Variants in RPTOR observed in about 807,000 individuals in gnomAD.
RPTOR encodes the protein regulatory-associated protein of mTOR.
A neutral mutation model predicts 169.9 loss-of-function variants in RPTOR; 21 were observed. That is an observed-to-expected ratio of 0.12 (90% CI 0.09 to 0.18). The LOEUF is 0.18. Ranked by LOEUF, RPTOR falls within the 10% of genes least tolerant of loss-of-function variation. RPTOR has a pLI of 1.00. For missense variants in RPTOR, 1,133 were observed against 1,855.9 expected, an observed-to-expected ratio of 0.61 and a Z score of 7.16; for synonymous variants, 732 against 753.2, an observed-to-expected ratio of 0.97 and a Z score of 0.46.
intron 3 of RPTOR, among the ~76,000 whole-genome samples, chr17:80,687,587 G>A (rs1041957333): frequency 5.9e-5 from 9 of 152,204 alleles, no homozygotes; most frequent in African/African-American, 9.6e-5. Context: ...GTGGGCACCC[G>A]TTGGTGTGTG....
chr17:80,701,284 G>C (rs1344460677), intron 3 of RPTOR, among the ~76,000 whole-genome samples: 2 of 152,194 alleles, frequency 1.3e-5, no homozygotes, highest in Non-Finnish European at 1.5e-5. Context: ...AAGGGCACAG[G>C]TTATATATTC....
At chr17:80,822,438 G>A in intron 8 of RPTOR, 137 bp downstream of exon 8, 1 of 846,894 alleles carries the variant, frequency 1.2e-6, no homozygotes, top group East Asian at 2.5e-5. Context: ...GGGCTGAAAA[G>A]TAGAAGGCGA....
chr17:80,916,008 G>T (rs986476602), intron 21 of RPTOR, among the ~76,000 whole-genome samples: 1 of 152,150 alleles, frequency 6.6e-6, no homozygotes, highest in Non-Finnish European at 1.5e-5. Context: ...CTATTCTGTT[G>T]CTCAGTAAAG....
At chr17:80,931,217 G>A (rs1309679166) in intron 24 of RPTOR, among the ~76,000 whole-genome samples, 1 of 152,182 alleles carries the variant, frequency 6.6e-6, no homozygotes, top group African/African-American at 2.4e-5. Flanking sequence ...GAAAAGGGCA[G>A]AAAAGCTATA....
intron 29 of RPTOR, among the ~76,000 whole-genome samples, chr17:80,958,399 T>C (rs2069284907): frequency 7.0e-6 from 1 of 143,418 alleles, no homozygotes; most frequent in African/African-American, 2.8e-5. Flanking sequence ...CAGAAGATTT[T>C]TGTTTCTTTT....
At chr17:80,548,062 G>C (rs570549722) in intron 1 of RPTOR, among the ~76,000 whole-genome samples, 1 of 147,634 alleles carries the variant, frequency 6.8e-6, no homozygotes, top group East Asian at 2.0e-4. Context: ...CCCATTTGTG[G>C]AGTGTTTTTC....
intron 1 of RPTOR, among the ~76,000 whole-genome samples, chr17:80,605,030 G>C (rs1469275075): frequency 6.6e-6 from 1 of 151,998 alleles, no homozygotes; most frequent in Admixed American, 6.6e-5. Flanking sequence ...AAAGTGCTGG[G>C]ATTATAGGTG....
intron 17 of RPTOR, among the ~76,000 whole-genome samples, chr17:80,888,510 C>G (rs1336720050): frequency 6.6e-6 from 1 of 152,222 alleles, no homozygotes; most frequent in Non-Finnish European, 1.5e-5. Flanking sequence ...GAGTGGGTGG[C>G]CCTCAGGGCA....
intron 5 of RPTOR, among the ~76,000 whole-genome samples, chr17:80,739,385 G>A (rs141606314): frequency 0.012 from 1,792 of 152,284 alleles, 36 homozygotes; most frequent in African/African-American, 0.04. Context: ...TGCGCAGAAG[G>A]CAAGGGCAGG....
chr17:80,659,547 C>T lies in RPTOR; in HGVS notation c.348+15737C>T, dbSNP rs1038488491. ...TTTTTCAGTTGGAGTTTCTCTCTGT[C>T]GCCAGGCTGGATACAGTGGCACGAT... On this transcript the variant is annotated intron_variant, in intron 3 of 33. Coordinates refer to ENST00000306801, the MANE Select transcript of RPTOR (RefSeq NM_020761.3). This position sits in a 1 kb window ranked among gnomAD's most constrained non-coding sequence, Gnocchi z 4.3. 4.6e-5 allele frequency among the ~76,000 whole-genome samples: 7 copies of T among 151,968 alleles called. No homozygotes were observed. Among genetic ancestry groups the T allele is most frequent in the African/African-American group, 1.5e-4 (6 of 41,356 alleles).
At chr17:80,638,183 G>A (rs7214179) in intron 2 of RPTOR, among the ~76,000 whole-genome samples, 1,536 of 152,308 alleles carry the variant, frequency 0.01, 25 homozygotes, top group African/African-American at 0.034. Context: ...CAGGCAGTGG[G>A]AGGCAAGAGC....
At position 80,754,556 on chromosome 17, in the gene RPTOR, T is replaced by A. The variant is rs1305842301; in HGVS notation, c.830+371T>A. On this transcript the variant is annotated intron_variant, in intron 6 of 33. Transcript: ENST00000306801. The surrounding 1 kb of genome is among the most constrained non-coding windows in gnomAD (Gnocchi z 4.2). ...TGAAAAAGGAAGTCATTTAATTCCTTGCTTGAGTTGAAGCGTAATCTTTCA... is the reference window on the plus strand; with the variant it reads ...TGAAAAAGGAAGTCATTTAATTCCTAGCTTGAGTTGAAGCGTAATCTTTCA... Among the ~76,000 whole-genome samples, 2 of 152,222 alleles carry A rather than the reference T, an allele frequency of 1.3e-5. No homozygotes were observed. Among genetic ancestry groups the A allele is most frequent in the Admixed American group, 6.5e-5 (1 of 15,292 alleles).
chr17:80,920,151 C>T (rs909599051), intron 21 of RPTOR, among the ~76,000 whole-genome samples: 3 of 152,240 alleles, frequency 2.0e-5, no homozygotes, highest in Non-Finnish European at 2.9e-5. Flanking sequence ...GCCAGCTCTG[C>T]AGCTCCTGCT....
At chr17:80,574,456 G>A (rs868478799) in intron 1 of RPTOR, among the ~76,000 whole-genome samples, 26 of 151,430 alleles carry the variant, frequency 1.7e-4, no homozygotes, top group African/African-American at 4.8e-4. Flanking sequence ...GTGAGCCACC[G>A]CGCCCGGCCG....
At chr17:80,773,461 TTTC>T (rs1464200350) in intron 6 of RPTOR, among the ~76,000 whole-genome samples, 16 of 152,334 alleles carry the variant, frequency 1.1e-4, no homozygotes, top group East Asian at 5.8e-4. Context: ...TAGGTCAGTT[TTTC>T]TTCTTCTTTC....
intron 1 of RPTOR, among the ~76,000 whole-genome samples, chr17:80,617,084 C>T (rs72858222): frequency 8.5e-5 from 13 of 152,300 alleles, no homozygotes; most frequent in African/African-American, 2.6e-4. Flanking sequence ...TCTGCCCCCC[C>T]ATGCTTATAG....
In RPTOR at chr17:80,774,462, G is replaced by A. The variant is rs866677685; in HGVS notation, c.831-16988G>A. On this transcript the variant is annotated intron_variant, in intron 6 of 33. Coordinates refer to ENST00000306801, the MANE Select transcript of RPTOR (RefSeq NM_020761.3). ...GTGCATAAAACATCACTGTGTTACT[G>A]ATGAGGTACCAGATGCTCCGCGTGC... 4.9e-5 allele frequency: 32 copies of A among 659,100 alleles called. No homozygotes were observed. The Middle Eastern group carries it at 6.3e-3, about 130-fold the overall frequency. 40.8% of individuals were successfully genotyped at this position (659,100 alleles called of 1,614,324 possible). A position where few individuals can be genotyped will look rare whatever the true frequency, so the allele number is the denominator to read the frequency against.
intron 3 of RPTOR, among the ~76,000 whole-genome samples, chr17:80,649,297 C>T (rs1013052463): frequency 1.3e-5 from 2 of 152,210 alleles, no homozygotes; most frequent in Non-Finnish European, 2.9e-5. Flanking sequence ...TCCAAATTGA[C>T]AGTCCAGTTC....
intron 21 of RPTOR, among the ~76,000 whole-genome samples, chr17:80,914,095 G>A (rs1199203134): frequency 1.7e-4 from 26 of 152,264 alleles, no homozygotes; most frequent in Admixed American, 1.7e-3. Flanking sequence ...ATGAGAAAGG[G>A]GTGTACTTAA....
Sources: allele counts gnomAD v4.1 joint callset (sites outside exome capture counted in the v4.1 genomes callset), GRCh38; gene constraint gnomAD v4.1.1; non-coding constraint Gnocchi (gnomAD v3.1); transcripts MANE v1.5; gene names NCBI Gene and HGNC (gene_info 2026-07-23, HGNC 2026-07-21).